The following RTBDN variants were observed in gnomAD, a reference collection of about 807,000 sequenced individuals.
RTBDN encodes the protein retbindin.
RTBDN carries 24 observed loss-of-function variants against 21.9 expected under a neutral mutation model. That is an observed-to-expected ratio of 1.10 (90% CI 0.79 to 1.54). The LOEUF (loss-of-function observed/expected upper bound fraction) is 1.54. RTBDN is among the 40% of genes most tolerant of loss of function. RTBDN has a pLI of 0.00. For synonymous variants in RTBDN, 141 were observed against 125.9 expected, an observed-to-expected ratio of 1.12 and a Z score of -0.80; for missense variants, 325 against 315.2, an observed-to-expected ratio of 1.03 and a Z score of -0.23.
At chr19:12,834,809 A>G (rs1412906796), upstream of RTBDN, 11 of 1,614,090 alleles carry the variant, frequency 6.8e-6, no homozygotes, top group South Asian at 2.2e-5. This position sits in a 1 kb window ranked among gnomAD's most constrained non-coding sequence, Gnocchi z 4.7. Flanking sequence ...GGGATTCTGT[A>G]GCCGAGAAGC....
Position 12,829,897 on chromosome 19 carries a change from C to T in RTBDN, c.83G>A (p.Cys28Tyr). The change falls in exon 2 of 6, where the codon TGT (cysteine) becomes TAT (tyrosine). Residue 28 changes from cysteine (C) to tyrosine (Y), a missense_variant. Cys to Tyr is a radical substitution (Grantham distance 194, BLOSUM62 -2). Transcript: ENST00000674343. ...GGCTTGGAGTGGGCGGCTCCCTCCA[C>T]AGGCTTCTAGCAGGATCCATGCCAA... is the stretch of plus-strand genomic sequence containing the variant. ...LTLAWILLEA[C>Y]GGSRPLQARS... 6.2e-7 allele frequency: 1 copy of T among 1,614,174 alleles called. No homozygotes were observed. Among genetic ancestry groups the T allele is most frequent in the Non-Finnish European group, 8.5e-7 (1 of 1,180,020 alleles).
intron 5 of RTBDN, chr19:12,826,372 G>C: frequency 1.6e-6 from 2 of 1,272,556 alleles, no homozygotes; most frequent in Non-Finnish European, 2.0e-6. Flanking sequence ...TACCAATCCG[G>C]TCTCTGGGGT....
At chr19:12,828,478 C>T (rs1969411287) in intron 4 of RTBDN, among the ~76,000 whole-genome samples, 179 bp downstream of exon 4, 1 of 152,236 alleles carries the variant, frequency 6.6e-6, no homozygotes, top group Non-Finnish European at 1.5e-5. Context: ...ATCTTAAAAG[C>T]TGGGGGCTTC....
intron 3 of RTBDN, 37 bp from the exon 4 acceptor site, chr19:12,828,804 ACC>A: frequency 6.2e-7 from 1 of 1,613,750 alleles, no homozygotes; most frequent in Non-Finnish European, 8.5e-7. Flanking sequence ...ATGGGTCAGG[ACC>A]CGAGGGAGTT....
At chr19:12,831,485 G>A (rs547500005) in intron 1 of RTBDN, among the ~76,000 whole-genome samples, 1 of 152,258 alleles carries the variant, frequency 6.6e-6, no homozygotes, top group South Asian at 2.1e-4. Context: ...TAGAAGGATC[G>A]TTTGAGCCCA....
chr19:12,834,747 G>A (rs761138917), upstream of RTBDN: 11 of 1,606,206 alleles, frequency 6.8e-6, no homozygotes, highest in African/African-American at 2.7e-5. This position sits in a 1 kb window ranked among gnomAD's most constrained non-coding sequence, Gnocchi z 4.7. Flanking sequence ...TGGAGTGTGG[G>A]GAAGGCGGGG....
At chr19:12,826,898 T>C in intron 4 of RTBDN, 27 bp from the exon 5 acceptor site, 2 of 1,484,938 alleles carry the variant, frequency 1.3e-6, no homozygotes, top group Middle Eastern at 2.4e-4. Flanking sequence ...GAGAGGTGGG[T>C]AAAGCCTTTG....
Position 12,825,835 on chromosome 19 carries a change from G to GGAGAT in RTBDN, c.556_560dup (p.Ala188SerfsTer77). 1 of 1,613,568 alleles carries GGAGAT rather than the reference G, an allele frequency of 6.2e-7. No individual in the cohort carries two copies. The highest frequency in any genetic ancestry group is 1.1e-5 in the South Asian group (1 of 91,018). ...GTCCTGGTCTGGGACGAGGTACCGC[G>GGAGAT]GAGATGGAGATGTTGAAGCAGTGAC... On this transcript the variant is annotated frameshift_variant, in exon 6 of 6. Coordinates refer to ENST00000674343, the MANE Select transcript of RTBDN (RefSeq NM_001270441.2). LOFTEE classifies it low-confidence loss of function (END_TRUNC).
rs1157357038 is a variant in RTBDN, at chr19:12,834,532, G to A, written c.-62C>T. 2 of 1,534,860 alleles carry A rather than the reference G, an allele frequency of 1.3e-6. No homozygotes were observed. On this transcript the variant is annotated 5_prime_UTR_variant, in exon 1 of 6. Coordinates refer to ENST00000674343, the MANE Select transcript of RTBDN (RefSeq NM_001270441.2). This position sits in a 1 kb window ranked among gnomAD's most constrained non-coding sequence, Gnocchi z 4.7. ...TCTTCCTACTGCCCTAATTGGACAG[G>A]CACCTAGACAGCTTTCTCACTCTTC...
chr19:12,828,259 G>A (rs146191126), intron 4 of RTBDN, among the ~76,000 whole-genome samples: 63 of 152,152 alleles, frequency 4.1e-4, no homozygotes, highest in Middle Eastern at 3.4e-3. Context: ...AGCCGGGCAT[G>A]GTGGTGTGCG....
chr19:12,828,595 C>G, intron 4 of RTBDN, 62 bp downstream of exon 4: 1 of 1,316,866 alleles, frequency 7.6e-7, no homozygotes, highest in South Asian at 1.3e-5. Context: ...AAGCAAACTG[C>G]AGGCTCCGCC....
At chr19:12,831,161 G>T (rs1310217770) in intron 1 of RTBDN, among the ~76,000 whole-genome samples, 7 of 152,016 alleles carry the variant, frequency 4.6e-5, no homozygotes, top group African/African-American at 1.7e-4. Flanking sequence ...GTAGCATTGG[G>T]TTAGTGTCCC....
chr19:12,834,837 A>T (rs142247987), upstream of RTBDN: 8 of 1,614,098 alleles, frequency 5.0e-6, no homozygotes, highest in African/African-American at 1.1e-4. The surrounding 1 kb of genome is among the most constrained non-coding windows in gnomAD (Gnocchi z 4.7). Flanking sequence ...GCTCGTCTTC[A>T]GCTGCGTTTC....
rs1380118845 is a variant in RTBDN, at chr19:12,830,494, G to A, written c.-18-497C>T. 3 of 985,742 alleles carry A rather than the reference G, an allele frequency of 3.0e-6. No individual in the cohort carries two copies. In the South Asian group the frequency reaches 1.4e-4, roughly 46 times the overall value. The allele number at this position is 985,742 out of a possible 1,614,324, so 61.1% of individuals were successfully genotyped here. A position where few individuals can be genotyped will look rare whatever the true frequency, so the allele number is the denominator to read the frequency against. On this transcript the variant is annotated intron_variant, in intron 1 of 5. Transcript: ENST00000674343. This position sits in a 1 kb window ranked among gnomAD's most constrained non-coding sequence, Gnocchi z 4.2. ...CCAGAGCTGGACCTTTGGGACCAAG[G>A]CTGGTGTGGCAGGGCTCAGGTTCTG...
rs374810646 is a variant in RTBDN, at chr19:12,828,868, C to G, written c.254+1G>C. On this transcript the variant is annotated splice_donor_variant, in intron 3 of 5. Transcript: ENST00000674343. LOFTEE classifies it high-confidence loss of function. Reference sequence around the variant, plus strand: ...AAAACGGTGGAGGGTGCTGTACTCACTCAGGGCTCGGCACTCCACAGCGTT... The same window carrying G: ...AAAACGGTGGAGGGTGCTGTACTCAGTCAGGGCTCGGCACTCCACAGCGTT... The G allele has an allele frequency of 3.7e-6, 6 of 1,614,098 alleles. No individual in the cohort carries two copies. The highest frequency in any genetic ancestry group is 5.1e-6 in the Non-Finnish European group (6 of 1,180,046).
Position 12,829,958 on chromosome 19 carries a change from G to T in RTBDN, c.22C>A (p.Arg8=), listed in dbSNP as rs369791948. MDCRVHM[R]PIGLTWVLQL... Reference sequence around the variant, plus strand: ...AGCACCCACGTCAGGCCGATGGGTCGCATGTGGACCCTGCAGTCCATGTCC... The same window carrying T: ...AGCACCCACGTCAGGCCGATGGGTCTCATGTGGACCCTGCAGTCCATGTCC... Residue 8 remains arginine, a synonymous_variant, in exon 2 of 6, where the codon CGA becomes AGA. Transcript: ENST00000674343. 4.3e-6 allele frequency: 7 copies of T among 1,613,008 alleles called. No homozygotes were observed. The highest frequency in any genetic ancestry group is 5.9e-6 in the Non-Finnish European group (7 of 1,179,074).
At chr19:12,826,254 A>C in intron 5 of RTBDN, 3 of 1,263,302 alleles carry the variant, frequency 2.4e-6, no homozygotes, top group South Asian at 1.7e-5. Context: ...CAGAGCAGGA[A>C]TGGTTTCTTG....
chr19:12,828,194 G>A (rs1444359464), intron 4 of RTBDN, among the ~76,000 whole-genome samples: 1 of 151,782 alleles, frequency 6.6e-6, no homozygotes, highest in Non-Finnish European at 1.5e-5. Context: ...TCAGGAGTCT[G>A]AGACCAGCCT....
At position 12,825,883 on chromosome 19, in the gene RTBDN, T is replaced by C. The variant is rs763917055; in HGVS notation, c.513A>G (p.Leu171=). ...GACGGGCTCCAGGAGCAGCCACCGG[T>C]AGGGCGTGGCCCAGAGCCGAGCGAC... The part of the protein sequence containing the change: ...DLCRSALGHA[L]PVAAPGARHC... The change falls in exon 6 of 6, where the codon CTA becomes CTG. Residue 171 remains leucine, a synonymous_variant. Coordinates refer to ENST00000674343, the MANE Select transcript of RTBDN (RefSeq NM_001270441.2). 1 of 1,613,006 alleles carries C rather than the reference T, an allele frequency of 6.2e-7. No individual in the cohort carries two copies. The highest frequency in any genetic ancestry group is 1.3e-5 in the African/African-American group (1 of 74,974).
Sources: allele counts gnomAD v4.1 joint callset (sites outside exome capture counted in the v4.1 genomes callset), GRCh38; gene constraint gnomAD v4.1.1; non-coding constraint Gnocchi (gnomAD v3.1); transcripts MANE v1.5; gene names NCBI Gene and HGNC (gene_info 2026-07-23, HGNC 2026-07-21).